The following GPR89B variants were observed in gnomAD, a reference collection of about 807,000 sequenced individuals.
The protein encoded by GPR89B is golgi pH regulator B.
A neutral mutation model predicts 52.4 loss-of-function variants in GPR89B; 25 were observed. The ratio of observed to expected loss-of-function variants is 0.48; its 90% CI spans 0.35 to 0.67. The LOEUF (loss-of-function observed/expected upper bound fraction) is 0.67, where lower values mean the gene tolerates loss of function less well. Ranked by LOEUF, GPR89B falls within the 30% of genes least tolerant of loss-of-function variation. The probability of loss-of-function intolerance (pLI) is 0.01; values close to 1 mark genes in which losing one functional copy is unlikely to be tolerated. For missense variants in GPR89B, 146 were observed against 450.2 expected, an observed-to-expected ratio of 0.32 and a Z score of 6.11; for synonymous variants, 52 against 151.2, an observed-to-expected ratio of 0.34 and a Z score of 4.81.
At chr1:147,944,851 C>A (rs1397332642) in intron 5 of GPR89B, among the ~76,000 whole-genome samples, 1 of 150,532 alleles carries the variant, frequency 6.6e-6, no homozygotes, top group Non-Finnish European at 1.5e-5. Context: ...GAGAGCCCAT[C>A]TGTAATAAAT....
Position 147,992,973 on chromosome 1 carries a change from A to AG in GPR89B, c.*62dup, listed in dbSNP as rs1323160330. On this transcript the variant is annotated 3_prime_UTR_variant, in exon 14 of 14. Transcript: ENST00000314163. ...AGTGGTTTCAAAATTTAGATATAAG[A>AG]GGGGGGAAAAATGGAACCAGGGCCT... The AG allele has an allele frequency of 5.9e-6, 8 of 1,353,088 alleles. No individual in the cohort carries two copies. The highest frequency in any genetic ancestry group is 7.9e-6 in the Non-Finnish European group (8 of 1,012,196). 83.8% of individuals were successfully genotyped at this position (1,353,088 alleles called of 1,614,324 possible).
At chr1:148,025,316 C>G in the GPR89B span, among the ~76,000 whole-genome samples, 8 of 151,832 alleles carry the variant, frequency 5.3e-5, no homozygotes, top group African/African-American at 1.9e-4. Flanking sequence ...CTAACAACTT[C>G]TTCCTGGCCC....
intron 10 of GPR89B, among the ~76,000 whole-genome samples, chr1:147,975,120 G>A (rs1454486698): frequency 1.0e-4 from 15 of 142,966 alleles, no homozygotes; most frequent in African/African-American, 3.9e-4. Context: ...AGGGATATTG[G>A]CCTGAAGTTT....
Position 147,971,230 on chromosome 1 carries a change from A to C in GPR89B, c.909+1271A>C, listed in dbSNP as rs1408584338. On this transcript the variant is annotated intron_variant, in intron 10 of 13. Coordinates refer to ENST00000314163, the MANE Select transcript of GPR89B (RefSeq NM_016334.5). ...AGTGGTGCGATCTCAGCTCACTGCAACCTCTGCCTCCTGGGCTCAAGCAAT... is the reference window on the plus strand; with the variant it reads ...AGTGGTGCGATCTCAGCTCACTGCACCCTCTGCCTCCTGGGCTCAAGCAAT... 9.9e-3 allele frequency among the ~76,000 whole-genome samples: 1,500 copies of C among 151,400 alleles called. 41 individuals are homozygous for C. Among genetic ancestry groups the C allele is most frequent in the African/African-American group, 0.035 (1,433 of 41,000 alleles).
the GPR89B span, among the ~76,000 whole-genome samples, chr1:148,015,297 CT>C: frequency 5.6e-4 from 50 of 89,580 alleles, 1 homozygote; most frequent in Middle Eastern, 5.0e-3. Flanking sequence ...TCTAGGATCT[CT>C]CTCTCTCTCT....
chr1:147,944,858 A>C (rs1553249539), intron 5 of GPR89B, among the ~76,000 whole-genome samples: 1 of 151,226 alleles, frequency 6.6e-6, no homozygotes, highest in Non-Finnish European at 1.5e-5. Flanking sequence ...CATCTGTAAT[A>C]AATATACTAC....
the GPR89B span, among the ~76,000 whole-genome samples, chr1:148,013,304 G>A: frequency 6.6e-6 from 1 of 152,096 alleles, no homozygotes; most frequent in African/African-American, 2.4e-5. Context: ...TTCCTGCCCC[G>A]CAAGCCTCCC....
chr1:147,949,824 G>A (rs587736568), intron 5 of GPR89B, among the ~76,000 whole-genome samples: 11 of 144,672 alleles, frequency 7.6e-5, no homozygotes, highest in Non-Finnish European at 1.4e-4. Flanking sequence ...CCTCCCGGAC[G>A]GGGCAGCTTG....
At chr1:147,945,117 C>T (rs1654857296) in intron 5 of GPR89B, among the ~76,000 whole-genome samples, 1 of 132,946 alleles carries the variant, frequency 7.5e-6, no homozygotes, top group Non-Finnish European at 1.6e-5. Flanking sequence ...ACTAGAAAAC[C>T]TCACTGAAGT....
intron 5 of GPR89B, among the ~76,000 whole-genome samples, chr1:147,945,054 A>T (rs1654851751): frequency 7.1e-6 from 1 of 141,788 alleles, no homozygotes; most frequent in South Asian, 2.3e-4. Context: ...TAGGGATGCA[A>T]AGCTTAACTG....
chr1:148,020,750 C>G, the GPR89B span, among the ~76,000 whole-genome samples: 1 of 152,012 alleles, frequency 6.6e-6, no homozygotes, highest in Non-Finnish European at 1.5e-5. Context: ...TGCAGTTGCA[C>G]GATCCTGGCT....
At chr1:147,995,438 C>T (rs1158157762), downstream of GPR89B, among the ~76,000 whole-genome samples, 1 of 151,918 alleles carries the variant, frequency 6.6e-6, no homozygotes, top group African/African-American at 2.4e-5. Flanking sequence ...ATACTGCCTC[C>T]TGTCCTCTAC....
intron 12 of GPR89B, among the ~76,000 whole-genome samples, chr1:147,991,230 C>G (rs1398119508): frequency 2.8e-4 from 42 of 152,000 alleles, no homozygotes; most frequent in African/African-American, 9.9e-4. Flanking sequence ...GGCGTTCACT[C>G]ATGATTTGGC....
intron 7 of GPR89B, among the ~76,000 whole-genome samples, chr1:147,957,812 C>T (rs1656230178): frequency 6.6e-6 from 1 of 152,066 alleles, no homozygotes. Context: ...CGCCTGTAAT[C>T]CCAGCACTTT....
intron 11 of GPR89B, 116 bp downstream of exon 11, chr1:147,986,410 C>T: frequency 1.0e-6 from 1 of 952,690 alleles, no homozygotes; most frequent in South Asian, 1.7e-5. Flanking sequence ...TTTGTTCTTC[C>T]CACTCTGTAT....
chr1:147,982,752 C>A (rs1234252662), intron 10 of GPR89B, among the ~76,000 whole-genome samples: 5 of 146,898 alleles, frequency 3.4e-5, no homozygotes, highest in African/African-American at 1.3e-4. Context: ...TGGCCATTTT[C>A]ATGATATTGA....
Position 147,947,389 on chromosome 1 carries a change from C to T in GPR89B, c.415+3291C>T, listed in dbSNP as rs1553249993. ...CTTATGTAAAATGAAAAAAAAAAAT[C>T]TGTAAAAGTACTTCTTGTGCTGTGT... is the stretch of plus-strand genomic sequence containing the variant. On this transcript the variant is annotated intron_variant, in intron 5 of 13. Transcript: ENST00000314163. Among the ~76,000 whole-genome samples, 5 of 144,938 alleles carry T rather than the reference C, an allele frequency of 3.4e-5. No individual in the cohort carries two copies. The South Asian group carries it at 1.1e-3, about 32-fold the overall frequency.
chr1:148,003,592 C>T, the GPR89B span, among the ~76,000 whole-genome samples: 2 of 152,144 alleles, frequency 1.3e-5, no homozygotes, highest in Non-Finnish European at 2.9e-5. Context: ...CAAATTCTGC[C>T]TTATCATAAT....
At chr1:148,003,046 C>G in the GPR89B span, among the ~76,000 whole-genome samples, 1 of 152,214 alleles carries the variant, frequency 6.6e-6, no homozygotes, top group Non-Finnish European at 1.5e-5. Flanking sequence ...GGACATATGT[C>G]TCTTATCTAC....
Sources: allele counts gnomAD v4.1 joint callset (sites outside exome capture counted in the v4.1 genomes callset), GRCh38; gene constraint gnomAD v4.1.1; transcripts MANE v1.5; gene names NCBI Gene and HGNC (gene_info 2026-07-23, HGNC 2026-07-21).